Variants in VWC2L observed in about 807,000 individuals in gnomAD.
VWC2L encodes von Willebrand factor C domain-containing protein 2-like.
VWC2L carries 10 observed loss-of-function variants against 21.6 expected under a neutral mutation model. That is an observed-to-expected ratio of 0.46 (90% CI 0.29 to 0.78). The LOEUF (loss-of-function observed/expected upper bound fraction) is 0.78. Ranked by LOEUF, VWC2L falls within the 30% of genes least tolerant of loss-of-function variation. The pLI is 0.10. For synonymous variants in VWC2L, 96 were observed against 94.3 expected (o/e 1.02, Z -0.10); for missense variants, 209 against 277.1 (o/e 0.75, Z 1.74).
chr2:214,504,876 T>C (rs929231701), intron 3 of VWC2L, among the ~76,000 whole-genome samples: 3 of 152,204 alleles, frequency 2.0e-5, no homozygotes, highest in Non-Finnish European at 4.4e-5. Flanking sequence ...TGAAAGAGGA[T>C]AGACAGACAA....
Position 214,414,341 on chromosome 2 carries a change from G to A in VWC2L, c.148G>A (p.Gly50Arg). The change falls in exon 2 of 4, where the codon GGG becomes AGG. Residue 50 changes from glycine (G) to arginine (R), a missense_variant. Physicochemically the swap from Gly to Arg is moderately radical, Grantham distance 125. Coordinates refer to ENST00000312504, the MANE Select transcript of VWC2L (RefSeq NM_001080500.4). ...NDNLIFDDYR[G>R]KGCVDDSGFV... ...CAATCTGATCTTTGATGACTATCGA[G>A]GGAAAGGGTGTGTCGATGACAGCGG... 1 of 1,613,864 alleles carries A rather than the reference G, an allele frequency of 6.2e-7. No individual in the cohort carries two copies. Among genetic ancestry groups the A allele is most frequent in the Non-Finnish European group, 8.5e-7 (1 of 1,179,830 alleles).
At chr2:214,553,218 A>C (rs1417372280) in intron 3 of VWC2L, among the ~76,000 whole-genome samples, 1 of 152,196 alleles carries the variant, frequency 6.6e-6, no homozygotes, top group East Asian at 1.9e-4. Context: ...GGCTAATGCC[A>C]TTGTTGACAG....
chr2:214,417,032 C>T (rs1205171353), intron 2 of VWC2L, among the ~76,000 whole-genome samples: 5 of 152,120 alleles, frequency 3.3e-5, no homozygotes, highest in Non-Finnish European at 5.9e-5. Context: ...AAATGCTCTA[C>T]TTATCCCTAT....
chr2:214,518,219 C>T (rs1057367855), intron 3 of VWC2L, among the ~76,000 whole-genome samples: 1 of 152,124 alleles, frequency 6.6e-6, no homozygotes, highest in South Asian at 2.1e-4. Context: ...AGCCTGGAGT[C>T]AAATTACTTG....
intron 3 of VWC2L, among the ~76,000 whole-genome samples, chr2:214,533,127 G>T (rs769961650): frequency 6.6e-6 from 1 of 151,906 alleles, no homozygotes. Flanking sequence ...CTCTGCTTGC[G>T]ATTACCTGAC....
chr2:214,573,664 G>A (rs1690186057), intron 3 of VWC2L, among the ~76,000 whole-genome samples: 1 of 152,200 alleles, frequency 6.6e-6, no homozygotes, highest in South Asian at 2.1e-4. Flanking sequence ...CAAGTTCTCT[G>A]AAGACTCCCT....
intron 3 of VWC2L, among the ~76,000 whole-genome samples, chr2:214,492,069 G>C (rs879457693): frequency 1.1e-4 from 16 of 152,214 alleles, no homozygotes; most frequent in African/African-American, 1.9e-4. Context: ...ATTGGGCACT[G>C]TGAATATAAC....
At chr2:214,511,931 C>T (rs1322270549) in intron 3 of VWC2L, among the ~76,000 whole-genome samples, 7 of 149,382 alleles carry the variant, frequency 4.7e-5, no homozygotes, top group South Asian at 2.1e-4. Flanking sequence ...CACACACACA[C>T]ACACACACAC....
intron 3 of VWC2L, among the ~76,000 whole-genome samples, chr2:214,485,744 G>A (rs569564237): frequency 2.6e-5 from 4 of 152,156 alleles, no homozygotes; most frequent in African/African-American, 9.6e-5. Flanking sequence ...AACTATTCTC[G>A]TGGCCCTCCA....
intron 3 of VWC2L, among the ~76,000 whole-genome samples, chr2:214,534,742 TAGA>T (rs1217719769): frequency 1.3e-5 from 2 of 152,136 alleles, no homozygotes; most frequent in Non-Finnish European, 2.9e-5. Flanking sequence ...TCACACTAAA[TAGA>T]AGGTTACATG....
At chr2:214,447,432 CCTA>C (rs1168512362) in intron 3 of VWC2L, among the ~76,000 whole-genome samples, 1 of 152,104 alleles carries the variant, frequency 6.6e-6, no homozygotes, top group African/African-American at 2.4e-5. Context: ...TTCATCTAAA[CCTA>C]CTCTCTGATG....
chr2:214,554,903 T>C (rs1253508153), intron 3 of VWC2L, among the ~76,000 whole-genome samples: 2 of 152,180 alleles, frequency 1.3e-5, no homozygotes, highest in African/African-American at 2.4e-5. Flanking sequence ...AAATTGCCTC[T>C]TGTGGGGAAA....
chr2:214,515,238 C>T (rs897025893), intron 3 of VWC2L, among the ~76,000 whole-genome samples: 3 of 152,150 alleles, frequency 2.0e-5, no homozygotes, highest in Non-Finnish European at 4.4e-5. Flanking sequence ...TGAACAACCT[C>T]GAACATCCCT....
intron 3 of VWC2L, among the ~76,000 whole-genome samples, chr2:214,568,813 G>C (rs1690106603): frequency 6.6e-6 from 1 of 152,084 alleles, no homozygotes; most frequent in Admixed American, 6.6e-5. Context: ...AAATTATCCA[G>C]GGTTGGTTTT....
At chr2:214,516,379 CTATGAG>C (rs994469987) in intron 3 of VWC2L, among the ~76,000 whole-genome samples, 17 of 152,230 alleles carry the variant, frequency 1.1e-4, no homozygotes, top group African/African-American at 4.1e-4. Context: ...CCAGGAGCTG[CTATGAG>C]GCTCCTTCAA....
chr2:214,466,025 G>A (rs969462950), intron 3 of VWC2L, among the ~76,000 whole-genome samples: 25 of 152,240 alleles, frequency 1.6e-4, no homozygotes, highest in African/African-American at 5.8e-4. Flanking sequence ...GTGGCATCAA[G>A]GATTCAAAGC....
At chr2:214,438,451 C>T (rs1200489598) in intron 3 of VWC2L, among the ~76,000 whole-genome samples, 1 of 151,828 alleles carries the variant, frequency 6.6e-6, no homozygotes, top group Non-Finnish European at 1.5e-5. Context: ...AGGCTCTTGC[C>T]TTCCCCACAT....
intron 3 of VWC2L, among the ~76,000 whole-genome samples, chr2:214,467,076 C>G (rs1703227892): frequency 6.6e-6 from 1 of 152,156 alleles, no homozygotes; most frequent in Non-Finnish European, 1.5e-5. Flanking sequence ...TCTTTTTATG[C>G]CTGGCTTTTA....
intron 3 of VWC2L, chr2:214,473,780 A>T (rs1250428250): frequency 1.3e-5 from 2 of 151,714 alleles, no homozygotes; most frequent in African/African-American, 2.4e-5. Flanking sequence ...CTGATTTAAA[A>T]AAAAAAAAAA....
Sources: gnomAD v4.1 joint callset for allele counts (sites outside exome capture counted in the v4.1 genomes callset) on GRCh38, gnomAD v4.1.1 for gene constraint, MANE v1.5 for transcripts, NCBI Gene and HGNC (gene_info 2026-07-23, HGNC 2026-07-21) for gene names.